The following BCAR3 variants were observed in gnomAD, a reference collection of about 807,000 sequenced individuals.
BCAR3 encodes BCAR3 adaptor protein, NSP family member.
BCAR3 carries 37 observed loss-of-function variants against 80.1 expected under a neutral mutation model. That is an observed-to-expected ratio of 0.46 (90% CI 0.36 to 0.61). The LOEUF (loss-of-function observed/expected upper bound fraction) is 0.61. Ranked by LOEUF, BCAR3 falls within the 20% of genes least tolerant of loss-of-function variation. The probability of loss-of-function intolerance (pLI) is 0.00; values close to 1 mark genes in which losing one functional copy is unlikely to be tolerated. For missense variants in BCAR3, 978 were observed against 1,068.2 expected, an observed-to-expected ratio of 0.92 and a Z score of 1.18; for synonymous variants, 389 against 418.9, an observed-to-expected ratio of 0.93 and a Z score of 0.87.
intron 2 of BCAR3, among the ~76,000 whole-genome samples, chr1:93,668,536 G>C (rs189457957): frequency 6.6e-6 from 1 of 152,208 alleles, no homozygotes; most frequent in East Asian, 1.9e-4. Context: ...CAAACACCGA[G>C]GGGTATTTCA....
At chr1:93,833,088 C>T (rs1654632680) in intron 2 of BCAR3, among the ~76,000 whole-genome samples, 1 of 152,168 alleles carries the variant, frequency 6.6e-6, no homozygotes, top group East Asian at 1.9e-4. Flanking sequence ...AAGTGTCGGC[C>T]GGTCTGAGAA....
At chr1:93,660,793 C>T (rs1647612247) in intron 2 of BCAR3, among the ~76,000 whole-genome samples, 1 of 152,272 alleles carries the variant, frequency 6.6e-6, no homozygotes, top group Admixed American at 6.5e-5. Flanking sequence ...TGACTTACTG[C>T]AACCTCTGCC....
intron 2 of BCAR3, among the ~76,000 whole-genome samples, chr1:93,809,775 T>TAA (rs59236584): frequency 8.1e-4 from 45 of 55,518 alleles, no homozygotes; most frequent in East Asian, 2.5e-3. Context: ...CTCAAAAAGA[T>TAA]AAAAAAAAAA....
chr1:93,680,388 C>T (rs1648695247), intron 1 of BCAR3, among the ~76,000 whole-genome samples: 1 of 152,166 alleles, frequency 6.6e-6, no homozygotes, highest in East Asian at 1.9e-4. Context: ...CCTCAATACC[C>T]CCTGGCACGC....
At chr1:93,672,917 A>G (rs966216338) in intron 2 of BCAR3, among the ~76,000 whole-genome samples, 1 of 151,876 alleles carries the variant, frequency 6.6e-6, no homozygotes, top group African/African-American at 2.4e-5. Flanking sequence ...CAACACCAAC[A>G]CTGTTCTCCT....
chr1:93,796,929 C>T (rs6671839), intron 2 of BCAR3, among the ~76,000 whole-genome samples: 26,413 of 152,030 alleles, frequency 0.17, 3,271 homozygotes, highest in African/African-American at 0.34. Flanking sequence ...AAAAATGATC[C>T]CAATTTCCAC....
intron 2 of BCAR3, among the ~76,000 whole-genome samples, chr1:93,828,854 G>A (rs929040010): frequency 3.3e-5 from 5 of 151,904 alleles, no homozygotes; most frequent in African/African-American, 4.8e-5. Flanking sequence ...TACCACACCC[G>A]GCTAATTTTT....
upstream of BCAR3, among the ~76,000 whole-genome samples, chr1:93,682,054 G>A (rs1265282080): frequency 6.6e-6 from 1 of 152,146 alleles, no homozygotes; most frequent in African/African-American, 2.4e-5. Flanking sequence ...CCTTTCTGAA[G>A]CTCTCTCCAG....
chr1:93,819,873 G>C (rs1021277752), intron 2 of BCAR3, among the ~76,000 whole-genome samples: 4 of 152,230 alleles, frequency 2.6e-5, no homozygotes, highest in South Asian at 4.1e-4. Flanking sequence ...CCCAGGTAAT[G>C]GGCATCATAC....
At chr1:93,810,839 G>A (rs1442455209) in intron 2 of BCAR3, among the ~76,000 whole-genome samples, 1 of 152,206 alleles carries the variant, frequency 6.6e-6, no homozygotes, top group Non-Finnish European at 1.5e-5. Flanking sequence ...CAGTACACTA[G>A]TGCTAAAATT....
In BCAR3 at chr1:93,823,857, G is replaced by A. The variant is rs1298402280; in HGVS notation, c.-63+21710C>T. 1.8e-4 allele frequency among the ~76,000 whole-genome samples: 24 copies of A among 133,244 alleles called. 3 individuals are homozygous for A. Among genetic ancestry groups the A allele is most frequent in the African/African-American group, 4.5e-4 (18 of 39,770 alleles). 87.4% of individuals were successfully genotyped at this position (133,244 alleles called of 152,430 possible). On this transcript the variant is annotated intron_variant, in intron 2 of 13. Transcript: ENST00000370244. ...TGGGATTACAGGCACGTGCCACCAC[G>A]CCCAGCTAATTTTTACATTTTTAGT...
At chr1:93,680,642 A>G (rs981427902) in intron 1 of BCAR3, among the ~76,000 whole-genome samples, 1 of 152,226 alleles carries the variant, frequency 6.6e-6, no homozygotes, top group African/African-American at 2.4e-5. Context: ...GTTTAAAACA[A>G]TCTGAATGCA....
intron 3 of BCAR3, among the ~76,000 whole-genome samples, chr1:93,605,907 A>C (rs1253767989): frequency 1.3e-5 from 2 of 152,230 alleles, no homozygotes; most frequent in Non-Finnish European, 1.5e-5. Flanking sequence ...GGAAAAGCCA[A>C]AGATTCAGAC....
intron 2 of BCAR3, among the ~76,000 whole-genome samples, chr1:93,757,410 G>A (rs750213649): frequency 2.0e-5 from 3 of 152,144 alleles, no homozygotes; most frequent in East Asian, 1.9e-4. Context: ...GGGAAGTCTC[G>A]CTGCACCAAT....
intron 5 of BCAR3, among the ~76,000 whole-genome samples, chr1:93,587,951 G>C (rs1330825921): frequency 6.6e-6 from 1 of 152,062 alleles, no homozygotes; most frequent in Non-Finnish European, 1.5e-5. Context: ...TGGGTGCTTA[G>C]GATCAGTGAG....
intron 2 of BCAR3, among the ~76,000 whole-genome samples, chr1:93,843,246 A>C (rs773307232): frequency 6.6e-6 from 1 of 152,234 alleles, no homozygotes; most frequent in Non-Finnish European, 1.5e-5. Flanking sequence ...TGAAATGTAC[A>C]GCTGAGTAGG....
intron 2 of BCAR3, among the ~76,000 whole-genome samples, chr1:93,719,832 G>A (rs933658602): frequency 2.6e-5 from 4 of 152,186 alleles, no homozygotes; most frequent in African/African-American, 7.2e-5. Context: ...TCTGGGAAGA[G>A]GAATTGGGTC....
chr1:93,748,494 T>G (rs1198028728), intron 2 of BCAR3, among the ~76,000 whole-genome samples: 2 of 152,200 alleles, frequency 1.3e-5, no homozygotes, highest in Non-Finnish European at 2.9e-5. Flanking sequence ...TCAGATACTT[T>G]GATTATTAAT....
chr1:93,687,586 C>T (rs916108773), intron 3 of BCAR3, among the ~76,000 whole-genome samples: 11 of 152,200 alleles, frequency 7.2e-5, no homozygotes, highest in Non-Finnish European at 1.0e-4. Flanking sequence ...AGATTACAGG[C>T]GTGAGCCATC....
Sources: gnomAD v4.1 joint callset for allele counts (sites outside exome capture counted in the v4.1 genomes callset) on GRCh38, gnomAD v4.1.1 for gene constraint, MANE v1.5 for transcripts, NCBI Gene and HGNC (gene_info 2026-07-23, HGNC 2026-07-21) for gene names.